WDR70: variants seen among roughly 807,000 people sequenced by gnomAD.
The protein encoded by WDR70 is WD repeat domain 70, also known as WD repeat-containing protein 70.
In WDR70, 53 loss-of-function variants were observed where a neutral mutation model predicts 88.6. The ratio of observed to expected loss-of-function variants is 0.60; its 90% CI spans 0.48 to 0.75. The LOEUF (loss-of-function observed/expected upper bound fraction) is 0.75. Ranked by LOEUF, WDR70 falls within the 30% of genes least tolerant of loss-of-function variation. The pLI, the probability that WDR70 is intolerant of heterozygous loss-of-function variation, is 0.00. For missense variants in WDR70, 610 were observed against 823.2 expected (o/e 0.74, Z 3.17); for synonymous variants, 280 against 270.0 (o/e 1.04, Z -0.36).
chr5:37,563,179 AC>A lies in WDR70; in HGVS notation c.918-41878del, dbSNP rs1227696112. 3.8e-5 allele frequency among the ~76,000 whole-genome samples: 2 copies of A among 53,000 alleles called. 1 individual carries two copies. Among genetic ancestry groups the A allele is most frequent in the Admixed American group, 4.1e-4 (2 of 4,914 alleles). The allele number at this position is 53,000 out of a possible 152,430, so 34.8% of individuals were successfully genotyped here. On this transcript the variant is annotated intron_variant, in intron 9 of 17. Transcript: ENST00000265107. ...GGGGGGCTGGCTGGGCGGGGGGCTG[AC>A]CCCCCCACCTCCCTCCTGGACGGGG...
intron 13 of WDR70, among the ~76,000 whole-genome samples, chr5:37,717,501 G>C (rs141674561): frequency 6.6e-6 from 1 of 152,216 alleles, no homozygotes; most frequent in East Asian, 1.9e-4. Context: ...AATGTGTCAC[G>C]CTCCCAGTAA....
intron 12 of WDR70, 58 bp from the exon 13 acceptor site, chr5:37,702,891 A>G (rs1389451477): frequency 1.3e-6 from 2 of 1,511,318 alleles, no homozygotes; most frequent in African/African-American, 1.4e-5. Flanking sequence ...TTCACTAATG[A>G]TTGCTGGACT....
chr5:37,572,420 GAAGTTATCCTTGAT>G (rs1226795014), intron 9 of WDR70, among the ~76,000 whole-genome samples: 1 of 152,036 alleles, frequency 6.6e-6, no homozygotes, highest in Non-Finnish European at 1.5e-5. Flanking sequence ...CAGAGTCCTA[GAAGTTATCCTTGAT>G]AACTCCTTCT....
At chr5:37,440,754 G>A (rs1390192089) in intron 6 of WDR70, among the ~76,000 whole-genome samples, 1 of 152,192 alleles carries the variant, frequency 6.6e-6, no homozygotes, top group Non-Finnish European at 1.5e-5. Flanking sequence ...GTGAATGGTA[G>A]CATTGAAAGC....
intron 8 of WDR70, among the ~76,000 whole-genome samples, chr5:37,483,782 C>A (rs1334590223): frequency 1.3e-5 from 2 of 150,412 alleles, no homozygotes; most frequent in African/African-American, 4.9e-5. Context: ...GCTGACCCCC[C>A]ACCTCCCTCC....
chr5:37,518,318 T>G (rs1310959636), intron 9 of WDR70, among the ~76,000 whole-genome samples: 1 of 152,098 alleles, frequency 6.6e-6, no homozygotes, highest in Non-Finnish European at 1.5e-5. Flanking sequence ...TTTTTTTTTT[T>G]AACCCATTAA....
chr5:37,529,770 CAG>C lies in WDR70; in HGVS notation c.917+13181_917+13182del, dbSNP rs531915253. Among the ~76,000 whole-genome samples the C allele has an allele frequency of 7.9e-5, 12 of 152,180 alleles. No individual in the cohort carries two copies. The South Asian group carries it at 1.2e-3, about 16-fold the overall frequency. ...ATTATGTGATGATATCATCAGCAAA[CAG>C]TGGTCATTTGACTTCCTCTTTATCA... On this transcript the variant is annotated intron_variant, in intron 9 of 17. Coordinates refer to ENST00000265107, the MANE Select transcript of WDR70 (RefSeq NM_018034.4).
In WDR70 at chr5:37,743,826, C is replaced by T. The variant is rs562805008; in HGVS notation, c.1878-8660C>T. Among the ~76,000 whole-genome samples the T allele has an allele frequency of 5.3e-5, 8 of 152,354 alleles. No homozygotes were observed. In the South Asian group the frequency reaches 1.7e-3, roughly 32 times the overall value. On this transcript the variant is annotated intron_variant, in intron 17 of 17. Transcript: ENST00000265107. Reference sequence around the variant, plus strand: ...GCCTTAGTCTTTGCAGACCAACAGACTTTGCCTTTTCTCCTGGTAGTTCTG... The same window carrying T: ...GCCTTAGTCTTTGCAGACCAACAGATTTTGCCTTTTCTCCTGGTAGTTCTG...
chr5:37,447,833 T>C (rs1738550458), intron 7 of WDR70, among the ~76,000 whole-genome samples: 1 of 152,166 alleles, frequency 6.6e-6, no homozygotes, highest in Non-Finnish European at 1.5e-5. Context: ...ATATACCTAG[T>C]GTAAATGACG....
intron 10 of WDR70, among the ~76,000 whole-genome samples, chr5:37,619,486 G>A (rs948813087): frequency 6.6e-6 from 1 of 152,028 alleles, no homozygotes; most frequent in African/African-American, 2.4e-5. Context: ...TTTTGTAAGT[G>A]GACAAGGCCA....
intron 9 of WDR70, among the ~76,000 whole-genome samples, chr5:37,525,901 T>A (rs1464818237): frequency 6.6e-6 from 1 of 152,200 alleles, no homozygotes; most frequent in Non-Finnish European, 1.5e-5. Context: ...GATAAATTCC[T>A]GGACACATAC....
chr5:37,450,706 T>C (rs1180122604), intron 7 of WDR70, among the ~76,000 whole-genome samples: 1 of 152,188 alleles, frequency 6.6e-6, no homozygotes, highest in African/African-American at 2.4e-5. Context: ...AATTAAAAGA[T>C]AGAAGTCATT....
At chr5:37,591,172 A>C (rs1277510084) in intron 9 of WDR70, among the ~76,000 whole-genome samples, 1 of 152,120 alleles carries the variant, frequency 6.6e-6, no homozygotes, top group Admixed American at 6.5e-5. Flanking sequence ...ATCTCTTCTA[A>C]AAATACAAAA....
At chr5:37,670,388 T>A (rs1745991550) in intron 10 of WDR70, among the ~76,000 whole-genome samples, 1 of 151,864 alleles carries the variant, frequency 6.6e-6, no homozygotes, top group African/African-American at 2.4e-5. Flanking sequence ...CGATGGGAGG[T>A]GTGAGAGGCT....
chr5:37,448,849 G>A (rs1738577235), intron 7 of WDR70, among the ~76,000 whole-genome samples: 1 of 152,080 alleles, frequency 6.6e-6, no homozygotes, highest in Non-Finnish European at 1.5e-5. Flanking sequence ...GACCATGACA[G>A]TTTTGAGGGG....
chr5:37,677,926 T>A (rs1746288587), intron 10 of WDR70, among the ~76,000 whole-genome samples: 1 of 152,194 alleles, frequency 6.6e-6, no homozygotes, highest in Admixed American at 6.5e-5. Context: ...CTGTATTGGG[T>A]GCATATATAT....
At chr5:37,447,958 C>A (rs1738555311) in intron 7 of WDR70, among the ~76,000 whole-genome samples, 1 of 151,908 alleles carries the variant, frequency 6.6e-6, no homozygotes, top group Non-Finnish European at 1.5e-5. Flanking sequence ...AAAAGAAAAA[C>A]TTTTCCTCAT....
intron 9 of WDR70, among the ~76,000 whole-genome samples, chr5:37,566,843 G>A (rs1460715646): frequency 6.6e-6 from 1 of 152,182 alleles, no homozygotes; most frequent in African/African-American, 2.4e-5. Flanking sequence ...GATTCTGTTA[G>A]TGAGGAGATA....
At chr5:37,677,460 A>G (rs1023566923) in intron 10 of WDR70, among the ~76,000 whole-genome samples, 5 of 152,184 alleles carry the variant, frequency 3.3e-5, no homozygotes, top group Admixed American at 1.3e-4. Flanking sequence ...GTTTCAAAGA[A>G]CATCTTTATT....
Sources: gnomAD v4.1 joint callset for allele counts (sites outside exome capture counted in the v4.1 genomes callset) on GRCh38, gnomAD v4.1.1 for gene constraint, MANE v1.5 for transcripts, NCBI Gene and HGNC (gene_info 2026-07-23, HGNC 2026-07-21) for gene names.